Variants in BCAS3 observed in about 807,000 individuals in gnomAD.
The protein encoded by BCAS3 is BCAS4/BCAS3 fusion.
Under a neutral mutation model 116.1 loss-of-function variants are expected in BCAS3, and 53 were observed. The observed-to-expected ratio is 0.46, with a 90% confidence interval of 0.37 to 0.57. The LOEUF (loss-of-function observed/expected upper bound fraction) is 0.57. Among genes scored for constraint, BCAS3 ranks in the 20% least tolerant of loss-of-function variants. BCAS3 has a pLI of 0.00. For synonymous variants in BCAS3, 391 were observed against 408.2 expected, an observed-to-expected ratio of 0.96 and a Z score of 0.51; for missense variants, 917 against 1,165.4, an observed-to-expected ratio of 0.79 and a Z score of 3.10.
At chr17:61,079,205 T>C (rs1312610692) in intron 21 of BCAS3, among the ~76,000 whole-genome samples, 1 of 152,128 alleles carries the variant, frequency 6.6e-6, no homozygotes, top group African/African-American at 2.4e-5. Flanking sequence ...TGTAATATAA[T>C]CTCCCTTTTC....
intron 22 of BCAS3, among the ~76,000 whole-genome samples, chr17:61,146,729 T>C (rs2077237528): frequency 6.6e-6 from 1 of 152,176 alleles, no homozygotes; most frequent in Non-Finnish European, 1.5e-5. Flanking sequence ...AGATTGTAAG[T>C]GATAACACAA....
At chr17:61,237,733 T>C (rs2083178993) in intron 22 of BCAS3, among the ~76,000 whole-genome samples, 1 of 152,204 alleles carries the variant, frequency 6.6e-6, no homozygotes, top group African/African-American at 2.4e-5. Flanking sequence ...CCAAGACTGC[T>C]CAGCCCATAA....
At chr17:61,066,818 A>G (rs531736566) in intron 19 of BCAS3, among the ~76,000 whole-genome samples, 1 of 152,240 alleles carries the variant, frequency 6.6e-6, no homozygotes, top group African/African-American at 2.4e-5. Flanking sequence ...GAATGGTAAT[A>G]ACTCATTCTC....
intron 7 of BCAS3, chr17:60,811,442 A>AT (rs1279608088): frequency 5.0e-6 from 3 of 599,886 alleles, no homozygotes; most frequent in Non-Finnish European, 9.2e-6. Context: ...GACCAGCGAC[A>AT]TCAAAGTTCT....
chr17:61,193,176 C>A (rs1011332894), intron 22 of BCAS3, among the ~76,000 whole-genome samples: 2 of 151,852 alleles, frequency 1.3e-5, no homozygotes, highest in African/African-American at 4.8e-5. Flanking sequence ...GCAAGAGAAT[C>A]ACTTGAACCC....
intron 1 of BCAS3, among the ~76,000 whole-genome samples, chr17:60,678,424 T>A (rs1426515764): frequency 6.6e-6 from 1 of 152,182 alleles, no homozygotes; most frequent in East Asian, 1.9e-4. Flanking sequence ...GGTTGTGGGC[T>A]TCCCTGAGCC....
chr17:61,145,577 G>A lies in BCAS3; in HGVS notation c.2425+61013G>A, dbSNP rs933659755. ...CCAACCATCTTGCTGATCTGTGCAG[G>A]AGTTCATTGAACTGTACAGCACAGC... is the stretch of plus-strand genomic sequence containing the variant. On this transcript the variant is annotated intron_variant, in intron 22 of 23. Transcript: ENST00000407086. This position sits in a 1 kb window ranked among gnomAD's most constrained non-coding sequence, Gnocchi z 5.0. Among the ~76,000 whole-genome samples, 6 of 152,102 alleles carry A rather than the reference G, an allele frequency of 3.9e-5. No individual in the cohort carries two copies. Among genetic ancestry groups the A allele is most frequent in the African/African-American group, 1.2e-4 (5 of 41,408 alleles).
At chr17:61,025,033 G>T (rs2066138171) in intron 16 of BCAS3, among the ~76,000 whole-genome samples, 1 of 152,056 alleles carries the variant, frequency 6.6e-6, no homozygotes, top group Non-Finnish European at 1.5e-5. Flanking sequence ...GTGAAATTAA[G>T]AGAAGTTGTA....
chr17:61,067,321 A>G (rs982980206), intron 19 of BCAS3, among the ~76,000 whole-genome samples: 3 of 134,692 alleles, frequency 2.2e-5, no homozygotes, highest in African/African-American at 2.8e-5. Context: ...ATATATTTAT[A>G]CAGACTTGGC....
At chr17:60,936,478 G>C (rs1038554952) in intron 13 of BCAS3, among the ~76,000 whole-genome samples, 43 of 151,796 alleles carry the variant, frequency 2.8e-4, no homozygotes, top group African/African-American at 1.0e-3. Flanking sequence ...CCCACCAACA[G>C]TGTAAAAGTG....
Position 61,205,472 on chromosome 17 carries a change from G to A in BCAS3, c.2425+120908G>A, listed in dbSNP as rs2081066729. On this transcript the variant is annotated intron_variant, in intron 22 of 23. Coordinates refer to ENST00000407086, the MANE Select transcript of BCAS3 (RefSeq NM_017679.5). The surrounding 1 kb of genome is among the most constrained non-coding windows in gnomAD (Gnocchi z 5.2). ...TGAGAGAGCTAATATCAAGGAAATG[G>A]CAAACAAACACCTTAGGTGATCCTG... Among the ~76,000 whole-genome samples the A allele has an allele frequency of 6.6e-6, 1 of 152,176 alleles. No individual in the cohort carries two copies. Among genetic ancestry groups the A allele is most frequent in the Non-Finnish European group, 1.5e-5 (1 of 68,032 alleles).
chr17:61,288,793 C>T (rs554755335), intron 22 of BCAS3, among the ~76,000 whole-genome samples: 2 of 152,222 alleles, frequency 1.3e-5, no homozygotes, highest in Non-Finnish European at 2.9e-5. Context: ...CAGCCATGGG[C>T]GAAAGGGCTG....
chr17:61,274,659 G>A (rs2050620571), intron 22 of BCAS3, among the ~76,000 whole-genome samples: 1 of 151,994 alleles, frequency 6.6e-6, no homozygotes, highest in African/African-American at 2.4e-5. Flanking sequence ...ACATAATGAA[G>A]ACTGAAAGCT....
At position 60,952,234 on chromosome 17, in the gene BCAS3, G is replaced by T. The variant is rs1011227433; in HGVS notation, c.1221+4882G>T. ...AAGACTAAAGACAGGAAATGGGTTT[G>T]CACATTTTTCTTTATCTCTGTTATT... is the stretch of plus-strand genomic sequence containing the variant. On this transcript the variant is annotated intron_variant, in intron 14 of 23. Transcript: ENST00000407086. 2.0e-4 allele frequency among the ~76,000 whole-genome samples: 30 copies of T among 152,158 alleles called. No homozygotes were observed. The East Asian group carries it at 5.6e-3, about 28-fold the overall frequency.
At chr17:61,035,400 T>C (rs1415607897) in intron 17 of BCAS3, among the ~76,000 whole-genome samples, 1 of 151,920 alleles carries the variant, frequency 6.6e-6, no homozygotes, top group Admixed American at 6.6e-5. Flanking sequence ...CTGGCCAACA[T>C]GGTGAAACCC....
chr17:60,737,082 C>T (rs950250440), intron 5 of BCAS3, among the ~76,000 whole-genome samples: 8 of 151,824 alleles, frequency 5.3e-5, no homozygotes, highest in East Asian at 1.9e-4. Flanking sequence ...TGGGATTGCA[C>T]GCATGCACCA....
intron 5 of BCAS3, among the ~76,000 whole-genome samples, chr17:60,713,827 C>CT (rs1247695838): frequency 2.6e-5 from 4 of 152,112 alleles, no homozygotes; most frequent in Non-Finnish European, 2.9e-5. Context: ...TTTGCATTTG[C>CT]TTTTTTTGTT....
chr17:60,890,177 G>A (rs565907588), intron 10 of BCAS3, among the ~76,000 whole-genome samples: 2 of 152,362 alleles, frequency 1.3e-5, no homozygotes, highest in East Asian at 3.9e-4. Context: ...GACAAGGCTA[G>A]GCGTGATGGC....
intron 4 of BCAS3, among the ~76,000 whole-genome samples, chr17:60,703,561 C>CAAA (rs539379540): frequency 4.0e-4 from 56 of 139,478 alleles, no homozygotes; most frequent in Admixed American, 1.2e-3. Context: ...AACCTTGTCT[C>CAAA]AAAAAAAAAA....
Sources: allele counts gnomAD v4.1 joint callset (sites outside exome capture counted in the v4.1 genomes callset), GRCh38; gene constraint gnomAD v4.1.1; non-coding constraint Gnocchi (gnomAD v3.1); transcripts MANE v1.5; gene names NCBI Gene and HGNC (gene_info 2026-07-23, HGNC 2026-07-21).